The following THTPA variants were observed in gnomAD, a reference collection of about 807,000 sequenced individuals.
THTPA encodes the protein thiamine-triphosphatase.
A neutral mutation model predicts 16.5 loss-of-function variants in THTPA; 16 were observed. The ratio of observed to expected loss-of-function variants is 0.97; its 90% CI spans 0.66 to 1.47. The LOEUF is 1.47. Ranked by LOEUF, THTPA falls within the 40% of genes most tolerant of loss-of-function variation. The pLI is 0.00. For missense variants in THTPA, 281 were observed against 280.9 expected (o/e 1.00, Z 0.00); for synonymous variants, 110 against 115.5 (o/e 0.95, Z 0.30).
chr14:23,558,802 C>T lies in THTPA; in HGVS notation c.655C>T (p.Pro219Ser), dbSNP rs1310820455. The change falls in exon 2 of 2, where the codon CCA (proline) becomes TCA (serine). Residue 219 changes from proline to serine, a missense_variant. Physicochemically the swap from Pro to Ser is moderately conservative, Grantham distance 74. Coordinates refer to ENST00000288014, the MANE Select transcript of THTPA (RefSeq NM_024328.6). ...AGAAGTGAACAGCTCCAGAGAGAGGCCACAGGAGACTGAAGATCCTGACCA... is the reference window on the plus strand; with the variant it reads ...AGAAGTGAACAGCTCCAGAGAGAGGTCACAGGAGACTGAAGATCCTGACCA... Reference protein sequence around the residue: ...LLEVNSSRERPQETEDPDHCL... With the variant: ...LLEVNSSRERSQETEDPDHCL... 6.2e-6 allele frequency: 10 copies of T among 1,614,044 alleles called. No individual in the cohort carries two copies. In the East Asian group the frequency reaches 2.0e-4, roughly 32 times the overall value.
At position 23,556,553 on chromosome 14, in the gene THTPA, G is replaced by A. The variant is rs1250432377; in HGVS notation, c.-205G>A. 8 of 602,170 alleles carry A rather than the reference G, an allele frequency of 1.3e-5. No individual in the cohort carries two copies. The highest frequency in any genetic ancestry group is 3.7e-5 in the African/African-American group (2 of 53,968). 37.3% of individuals were successfully genotyped at this position (602,170 alleles called of 1,614,324 possible). On this transcript the variant is annotated 5_prime_UTR_variant, in exon 1 of 2. Transcript: ENST00000288014. ...TTACTGGAGACCTGTCACTGTCAGA[G>A]CCTTAAAATATCACCGACGGGGCCT...
chr14:23,519,982 G>C, the THTPA span, among the ~76,000 whole-genome samples: 1 of 152,178 alleles, frequency 6.6e-6, no homozygotes, highest in African/African-American at 2.4e-5. Context: ...GAGGAATTTT[G>C]CAGACTTTTC....
At chr14:23,525,302 T>A in the THTPA span, 1 of 1,535,928 alleles carries the variant, frequency 6.5e-7, no homozygotes, top group Non-Finnish European at 8.7e-7. This position sits in a 1 kb window ranked among gnomAD's most constrained non-coding sequence, Gnocchi z 5.9. Flanking sequence ...TGGGCCCAGA[T>A]GGGGAACAGG....
At chr14:23,539,959 A>G in the THTPA span, among the ~76,000 whole-genome samples, 31 of 152,326 alleles carry the variant, frequency 2.0e-4, no homozygotes, top group African/African-American at 6.0e-4. Context: ...GTTTGCATAC[A>G]ATGATTTTCA....
At chr14:23,529,683 G>C in the THTPA span, 1 of 1,534,024 alleles carries the variant, frequency 6.5e-7, no homozygotes, top group African/African-American at 1.4e-5. Context: ...CCCCACTTCA[G>C]CTCTTCCCAG....
At chr14:23,524,756 G>C in the THTPA span, 2 of 1,536,444 alleles carry the variant, frequency 1.3e-6, no homozygotes, top group East Asian at 2.4e-5. This position sits in a 1 kb window ranked among gnomAD's most constrained non-coding sequence, Gnocchi z 5.6. Flanking sequence ...CTCAGGCCCT[G>C]CTGGAGGTTC....
the THTPA span, chr14:23,533,107 T>G: frequency 6.7e-7 from 1 of 1,491,474 alleles, no homozygotes; most frequent in East Asian, 2.5e-5. The surrounding 1 kb of genome is among the most constrained non-coding windows in gnomAD (Gnocchi z 4.8). Context: ...GACAGATTAG[T>G]GGCCCAAGAA....
At chr14:23,530,478 AACTC>A in the THTPA span, 6 of 619,760 alleles carry the variant, frequency 9.7e-6, no homozygotes, top group Non-Finnish European at 1.5e-5. Context: ...AACAAGACCA[AACTC>A]AGCTCCCTGT....
the THTPA span, among the ~76,000 whole-genome samples, chr14:23,512,324 T>C: frequency 6.6e-6 from 1 of 151,370 alleles, no homozygotes; most frequent in African/African-American, 2.4e-5. Context: ...CGCACACGTA[T>C]ACACACACAC....
Position 23,559,187 on chromosome 14 carries a change from G to T in THTPA, c.*347G>T. The T allele has an allele frequency of 3.9e-6, 1 of 256,522 alleles. No homozygotes were observed. The allele number at this position is 256,522 out of a possible 1,614,324, so 15.9% of individuals were successfully genotyped here. On this transcript the variant is annotated 3_prime_UTR_variant, in exon 2 of 2. Transcript: ENST00000288014. ...TCCCTTGGTCGATGCCATTGATTCT[G>T]CCAGCGGCTCCTAAACCGCCTTACA...
the THTPA span, chr14:23,522,501 C>CA: frequency 2.0e-6 from 3 of 1,533,176 alleles, no homozygotes; most frequent in Non-Finnish European, 2.6e-6. Flanking sequence ...GGGAGCAGCC[C>CA]AATGAGGGTC....
chr14:23,521,860 G>A, the THTPA span: 7 of 1,490,898 alleles, frequency 4.7e-6, no homozygotes, highest in South Asian at 6.7e-5. Flanking sequence ...AGGTGGGCGG[G>A]GCCAGGGGGT....
chr14:23,538,279 T>G, the THTPA span, among the ~76,000 whole-genome samples: 1 of 152,060 alleles, frequency 6.6e-6, no homozygotes, highest in Admixed American at 6.6e-5. Flanking sequence ...GGAAAGAATT[T>G]CAATTGCAAA....
At chr14:23,538,193 G>A in the THTPA span, 1 of 152,134 alleles carries the variant, frequency 6.6e-6, no homozygotes, top group Non-Finnish European at 1.5e-5. Context: ...GACTCTGATC[G>A]GCCGAGGGTA....
At chr14:23,530,186 G>T in the THTPA span, 1 of 1,535,352 alleles carries the variant, frequency 6.5e-7, no homozygotes, top group Non-Finnish European at 8.7e-7. Context: ...GGGGTGACAG[G>T]AGCCTTCCCT....
chr14:23,521,412 G>C, the THTPA span: 1 of 153,250 alleles, frequency 6.5e-6, no homozygotes, highest in South Asian at 2.0e-4. Context: ...TGGTGCTCTA[G>C]ACAAAGGGTT....
chr14:23,524,269 G>A, the THTPA span: 18 of 1,536,372 alleles, frequency 1.2e-5, no homozygotes, highest in Admixed American at 5.9e-5. This position sits in a 1 kb window ranked among gnomAD's most constrained non-coding sequence, Gnocchi z 5.6. Flanking sequence ...CCACCTCCTC[G>A]GAGATGCAGT....
the THTPA span, among the ~76,000 whole-genome samples, chr14:23,539,989 GTTGT>G: frequency 5.5e-4 from 84 of 152,276 alleles, no homozygotes; most frequent in African/African-American, 1.9e-3. Context: ...CTTCCAAACA[GTTGT>G]TTTTCATTTT....
the THTPA span, chr14:23,527,737 G>A: frequency 6.5e-7 from 1 of 1,536,136 alleles, no homozygotes; most frequent in Non-Finnish European, 8.7e-7. Context: ...TGCATGCTGG[G>A]AGAGTGTATG....
Sources: allele counts gnomAD v4.1 joint callset (sites outside exome capture counted in the v4.1 genomes callset), GRCh38; gene constraint gnomAD v4.1.1; non-coding constraint Gnocchi (gnomAD v3.1); transcripts MANE v1.5; gene names NCBI Gene and HGNC (gene_info 2026-07-23, HGNC 2026-07-21).